The following DOCK10 variants were observed in gnomAD, a reference collection of about 807,000 sequenced individuals.
DOCK10 encodes dedicator of cytokinesis 10, also known as dedicator of cytokinesis protein 10.
Under a neutral mutation model 280.1 loss-of-function variants are expected in DOCK10, and 145 were observed. That is an observed-to-expected ratio of 0.52 (90% CI 0.45 to 0.59). The LOEUF (loss-of-function observed/expected upper bound fraction) is 0.59. DOCK10 is among the 20% of genes least tolerant of loss of function. The pLI, the probability that DOCK10 is intolerant of heterozygous loss-of-function variation, is 0.00. For missense variants in DOCK10, 2,368 were observed against 2,651.7 expected (o/e 0.89, Z 2.35); for synonymous variants, 915 against 942.2 (o/e 0.97, Z 0.53).
At chr2:224,793,582 T>A (rs541687106) in intron 45 of DOCK10, 125 bp from the exon 46 acceptor site, 8 of 617,222 alleles carry the variant, frequency 1.3e-5, no homozygotes. Flanking sequence ...AATCACCAAA[T>A]TGAAAGCAAG....
At chr2:224,972,141 A>G (rs965889752) in intron 1 of DOCK10, among the ~76,000 whole-genome samples, 3 of 152,222 alleles carry the variant, frequency 2.0e-5, no homozygotes, top group South Asian at 2.1e-4. Flanking sequence ...CAAATAAAGA[A>G]TACTGTGCAA....
chr2:224,778,522 T>C, intron 50 of DOCK10: 1 of 538,690 alleles, frequency 1.9e-6, no homozygotes, highest in Non-Finnish European at 3.3e-6. Flanking sequence ...ACTCATGAAA[T>C]ATCTTACAAA....
chr2:224,817,934 G>A (rs530514252), intron 29 of DOCK10, among the ~76,000 whole-genome samples: 2 of 152,242 alleles, frequency 1.3e-5, no homozygotes, highest in South Asian at 4.1e-4. Context: ...TTCCCCTTGA[G>A]GACTGGCCTC....
intron 1 of DOCK10, among the ~76,000 whole-genome samples, chr2:225,038,276 TA>T (rs5839086): frequency 0.62 from 93,106 of 149,030 alleles, 31,414 homozygotes; most frequent in East Asian, 0.76. Flanking sequence ...CCCACTCAAT[TA>T]AAAAAAAAAA....
chr2:224,832,440 G>A (rs540997235), intron 26 of DOCK10, among the ~76,000 whole-genome samples: 30 of 152,228 alleles, frequency 2.0e-4, no homozygotes, highest in African/African-American at 7.2e-4. Flanking sequence ...CCTGTTTTAA[G>A]TCATACAAAC....
chr2:224,897,136 A>G (rs1700033622), intron 3 of DOCK10, among the ~76,000 whole-genome samples: 1 of 152,226 alleles, frequency 6.6e-6, no homozygotes, highest in Admixed American at 6.5e-5. Flanking sequence ...TTACTTCAGT[A>G]ACCAATCTTT....
intron 14 of DOCK10, among the ~76,000 whole-genome samples, chr2:224,859,864 T>C (rs958417864): frequency 2.6e-5 from 4 of 152,220 alleles, no homozygotes; most frequent in Admixed American, 6.5e-5. Flanking sequence ...GCTGTGCACA[T>C]TTATTTGAAG....
At chr2:225,019,594 T>A (rs1157273215) in intron 1 of DOCK10, among the ~76,000 whole-genome samples, 2 of 152,102 alleles carry the variant, frequency 1.3e-5, no homozygotes, top group Admixed American at 1.3e-4. Flanking sequence ...TTCCCGCTGC[T>A]CAATGCCTAC....
chr2:225,030,299 G>A (rs1690041762), intron 1 of DOCK10, among the ~76,000 whole-genome samples: 1 of 152,050 alleles, frequency 6.6e-6, no homozygotes, highest in African/African-American at 2.4e-5. Context: ...TAACCTCAAC[G>A]AAAGGAGAAT....
chr2:225,024,765 C>A (rs1175863555), intron 1 of DOCK10, among the ~76,000 whole-genome samples: 1 of 151,792 alleles, frequency 6.6e-6, no homozygotes, highest in Non-Finnish European at 1.5e-5. Flanking sequence ...GTGGCACATG[C>A]CTGTAATCCC....
chr2:224,814,507 G>T lies in DOCK10; in HGVS notation c.3365-143C>A, dbSNP rs555894460. 308 of 446,004 alleles carry T rather than the reference G, an allele frequency of 6.9e-4. 7 individuals are homozygous for T. The South Asian group carries it at 0.018, about 26-fold the overall frequency. The allele number at this position is 446,004 out of a possible 1,614,324, so 27.6% of individuals were successfully genotyped here. ...CTTCAGTATTGCCAGTTTTCAAGGA[G>T]AATGTCTTAGGTTATTTGTTTCCTT... On this transcript the variant is annotated intron_variant, in intron 30 of 55. Transcript: ENST00000258390.
intron 2 of DOCK10, among the ~76,000 whole-genome samples, chr2:224,919,839 A>G (rs556232247): frequency 6.6e-6 from 1 of 152,234 alleles, no homozygotes; most frequent in South Asian, 2.1e-4. Flanking sequence ...AGAGACATCA[A>G]TGATGAAAAT....
At chr2:224,917,167 G>A (rs62186353) in intron 2 of DOCK10, among the ~76,000 whole-genome samples, 34,306 of 138,664 alleles carry the variant, frequency 0.25, 4,528 homozygotes, top group Admixed American at 0.31. Context: ...GTGCAATGGC[G>A]TGATCTTGGC....
chr2:224,803,945 G>C (rs1376009822), intron 39 of DOCK10, among the ~76,000 whole-genome samples, 167 bp downstream of exon 39: 6 of 151,560 alleles, frequency 4.0e-5, no homozygotes, highest in African/African-American at 1.5e-4. Flanking sequence ...AGTTTCTTTA[G>C]GTAGACATAT....
At chr2:225,034,607 TAAGCAACTA>T (rs2106133022) in intron 1 of DOCK10, among the ~76,000 whole-genome samples, 2 of 152,320 alleles carry the variant, frequency 1.3e-5, no homozygotes, top group South Asian at 4.1e-4. Context: ...TGACTTTCCT[TAAGCAACTA>T]ATGTGCACTA....
intron 14 of DOCK10, 31 bp from the exon 15 acceptor site, chr2:224,857,013 T>C: frequency 6.4e-7 from 1 of 1,552,204 alleles, no homozygotes; most frequent in Non-Finnish European, 8.7e-7. Context: ...AGGTTGGTAG[T>C]TGGATATTGT....
intron 8 of DOCK10, among the ~76,000 whole-genome samples, chr2:224,875,022 G>T (rs1443265508): frequency 6.6e-6 from 1 of 151,950 alleles, no homozygotes; most frequent in Non-Finnish European, 1.5e-5. Flanking sequence ...TTATACTTGG[G>T]GTTGTCTTGA....
intron 50 of DOCK10, among the ~76,000 whole-genome samples, chr2:224,783,886 G>A (rs556667264): frequency 2.4e-4 from 37 of 152,196 alleles, no homozygotes; most frequent in Middle Eastern, 6.8e-3. Flanking sequence ...AGACAAGTAG[G>A]GCTGAATATG....
intron 1 of DOCK10, among the ~76,000 whole-genome samples, chr2:224,969,897 G>A (rs116231099): frequency 0.019 from 2,851 of 152,242 alleles, 77 homozygotes; most frequent in African/African-American, 0.064. Flanking sequence ...TTAGTTTCAT[G>A]CTTAATTTCT....
Sources: gnomAD v4.1 joint callset for allele counts (sites outside exome capture counted in the v4.1 genomes callset) on GRCh38, gnomAD v4.1.1 for gene constraint, MANE v1.5 for transcripts, NCBI Gene and HGNC (gene_info 2026-07-23, HGNC 2026-07-21) for gene names.